The following TNRC18 variants were observed in gnomAD, a reference collection of about 807,000 sequenced individuals.
TNRC18 encodes the protein trinucleotide repeat-containing gene 18 protein.
A neutral mutation model predicts 226.7 loss-of-function variants in TNRC18; 69 were observed. That is an observed-to-expected ratio of 0.30 (90% CI 0.25 to 0.37). TNRC18 has a LOEUF of 0.37. TNRC18 is among the 10% of genes least tolerant of loss of function. The pLI is 1.00. For missense variants in TNRC18, 4,754 were observed against 4,256.6 expected (o/e 1.12, Z -3.25); for synonymous variants, 2,449 against 1,927.6 (o/e 1.27, Z -7.09).
rs1185581628 is a variant in TNRC18 at position 5,421,268 on chromosome 7, C to T, written c.-22G>A. On this transcript the variant is annotated 5_prime_UTR_variant, in exon 2 of 30. Transcript: ENST00000430969. ...CCATCCTCCGCGGGAGTGCCGCGAT[C>T]AGCCCCCCACCCGGCCCGCAGGCCT... The T allele has an allele frequency of 2.3e-6, 3 of 1,281,296 alleles. No homozygotes were observed. The highest frequency in any genetic ancestry group is 3.1e-5 in the African/African-American group (2 of 64,452). The allele number at this position is 1,281,296 out of a possible 1,614,324, so 79.4% of individuals were successfully genotyped here.
intron 15 of TNRC18, 95 bp downstream of exon 15, chr7:5,359,303 G>T: frequency 1.5e-6 from 2 of 1,310,254 alleles, no homozygotes; most frequent in South Asian, 1.3e-5. Flanking sequence ...TTCTGTACAG[G>T]AACAAAGGGC....
At chr7:5,403,403 G>A (rs867274188) in intron 2 of TNRC18, among the ~76,000 whole-genome samples, 3 of 152,050 alleles carry the variant, frequency 2.0e-5, no homozygotes, top group East Asian at 1.9e-4. Context: ...CAGGTGATCC[G>A]CCCGCCTCGG....
chr7:5,379,647 G>A (rs557850362), intron 5 of TNRC18, among the ~76,000 whole-genome samples: 1 of 152,212 alleles, frequency 6.6e-6, no homozygotes, highest in Non-Finnish European at 1.5e-5. Flanking sequence ...CTGCCACCCT[G>A]CCCTGGCCCC....
intron 19 of TNRC18, chr7:5,329,856 G>T (rs1326158360): frequency 1.3e-5 from 6 of 465,602 alleles, no homozygotes; most frequent in Non-Finnish European, 2.7e-5. Context: ...CCTTCTGTTG[G>T]AGGCCCAGGG....
rs1134566 is a variant in TNRC18, at chr7:5,324,338, A to G, written c.6318T>C (p.Gly2106=). 1 of 1,613,082 alleles carries G rather than the reference A, an allele frequency of 6.2e-7. No homozygotes were observed. Among genetic ancestry groups the G allele is most frequent in the Non-Finnish European group, 8.5e-7 (1 of 1,179,640 alleles). Residue 2106 remains glycine (G), a synonymous_variant, in exon 21 of 30, where the codon GGT becomes GGC. Coordinates refer to ENST00000430969, the MANE Select transcript of TNRC18 (RefSeq NM_001080495.3). This position sits in a 1 kb window ranked among gnomAD's most constrained non-coding sequence, Gnocchi z 4.8. Reference sequence around the variant, plus strand: ...TGCTCTCCATCAGCTTGCTCACGGCACCCCCCTTGCCGCGGTTCTGGGGAC... The same window carrying G: ...TGCTCTCCATCAGCTTGCTCACGGCGCCCCCCTTGCCGCGGTTCTGGGGAC... ...EVKKENRGKG[G]AVSKLMESMA... is the part of the protein sequence containing the mutation.
At chr7:5,350,190 C>T (rs1791640954) in intron 17 of TNRC18, among the ~76,000 whole-genome samples, 1 of 151,932 alleles carries the variant, frequency 6.6e-6, no homozygotes, top group African/African-American at 2.4e-5. Flanking sequence ...CCACGGACAG[C>T]CCGGGCAGGG....
chr7:5,408,781 C>T (rs1371442718), intron 2 of TNRC18, among the ~76,000 whole-genome samples: 2 of 152,194 alleles, frequency 1.3e-5, no homozygotes, highest in African/African-American at 2.4e-5. Flanking sequence ...ATTCTGGAGA[C>T]TGAATCCAGA....
intron 14 of TNRC18, 44 bp downstream of exon 14, chr7:5,361,550 C>CAAGCT: frequency 6.9e-7 from 1 of 1,452,334 alleles, no homozygotes; most frequent in East Asian, 2.7e-5. Context: ...CTCCTCCCCT[C>CAAGCT]AAGCTGTGTG....
chr7:5,395,076 G>T (rs1488137664), intron 2 of TNRC18, among the ~76,000 whole-genome samples: 1 of 152,118 alleles, frequency 6.6e-6, no homozygotes, highest in Non-Finnish European at 1.5e-5. Context: ...TCCAGCCAGA[G>T]AATCACCTCC....
rs750169007 is a variant in TNRC18 at position 5,357,172 on chromosome 7, G to A, written c.4938C>T (p.Phe1646=). Residue 1646 remains phenylalanine (F), a synonymous_variant, in exon 16 of 30, where the codon TTC becomes TTT. Transcript: ENST00000430969. ...TCCCCCCAGCACTGTCCGAAAACTT[G>A]AAGGGCGACTTCAACTTGTCCTGCT... ...LTKQDKLKSP[F]KFSDSAGGKS... is the part of the protein sequence containing the mutation. 4 of 1,602,966 alleles carry A rather than the reference G, an allele frequency of 2.5e-6. No individual in the cohort carries two copies. The highest frequency in any genetic ancestry group is 3.4e-6 in the Non-Finnish European group (4 of 1,174,804).
intron 2 of TNRC18, among the ~76,000 whole-genome samples, chr7:5,419,004 C>G (rs1027715302): frequency 6.6e-6 from 1 of 152,196 alleles, no homozygotes; most frequent in Admixed American, 6.5e-5. Context: ...TTCAAGGGGG[C>G]GGCAGCTGTC....
At chr7:5,402,172 C>G (rs867898676) in intron 2 of TNRC18, among the ~76,000 whole-genome samples, 1 of 115,074 alleles carries the variant, frequency 8.7e-6, no homozygotes, top group Non-Finnish European at 1.7e-5. Flanking sequence ...CAGCGAGACT[C>G]TGTCTCAAAA....
chr7:5,348,137 C>T (rs751662637), intron 17 of TNRC18, among the ~76,000 whole-genome samples: 19 of 152,126 alleles, frequency 1.2e-4, no homozygotes, highest in Non-Finnish European at 1.6e-4. Flanking sequence ...GCTCCCTGCA[C>T]ACAAACCAAA....
Position 5,378,087 on chromosome 7 carries a change from C to T in TNRC18, c.2153-63G>A, listed in dbSNP as rs1779133291. ...ACCGAGCCCATCCCAGACCCATTGGCCCCACTGCCCTCACCCCTCCCTGGG... is the reference window on the plus strand; with the variant it reads ...ACCGAGCCCATCCCAGACCCATTGGTCCCACTGCCCTCACCCCTCCCTGGG... On this transcript the variant is annotated intron_variant, in intron 5 of 29. Coordinates refer to ENST00000430969, the MANE Select transcript of TNRC18 (RefSeq NM_001080495.3). 7 of 1,401,652 alleles carry T rather than the reference C, an allele frequency of 5.0e-6. No homozygotes were observed. In the Admixed American group the frequency reaches 1.2e-4, roughly 25 times the overall value. 86.8% of individuals were successfully genotyped at this position (1,401,652 alleles called of 1,614,324 possible).
chr7:5,357,338 T>G, intron 15 of TNRC18, 62 bp from the exon 16 acceptor site: 1 of 1,512,684 alleles, frequency 6.6e-7, no homozygotes, highest in Non-Finnish European at 8.9e-7. Context: ...TGGGTTTCAG[T>G]GCACATGCTC....
chr7:5,374,525 T>C, intron 9 of TNRC18, 41 bp from the exon 10 acceptor site: 2 of 1,520,134 alleles, frequency 1.3e-6, no homozygotes, highest in Non-Finnish European at 1.8e-6. Flanking sequence ...CGGCACGAGT[T>C]TCCCCCTCCC....
At chr7:5,409,617 G>A (rs1781707988) in intron 2 of TNRC18, among the ~76,000 whole-genome samples, 1 of 151,518 alleles carries the variant, frequency 6.6e-6, no homozygotes, top group South Asian at 2.1e-4. Flanking sequence ...AAATCGAAAG[G>A]TTAGAAGATA....
chr7:5,394,567 G>A lies in TNRC18; in HGVS notation c.216C>T (p.Ala72=), dbSNP rs766102324. The A allele has an allele frequency of 5.2e-6, 8 of 1,550,216 alleles. No individual in the cohort carries two copies. Among genetic ancestry groups the A allele is most frequent in the Non-Finnish European group, 6.1e-6 (7 of 1,148,388 alleles). ...ACGAGGCCGAGGGCCCCATCCCGCT[G>A]GCCACAAAGCTGCCCAAGAAGGCCT... ...PGEAFLGSFV[A]SGMGPSASSH... is the part of the protein sequence containing the mutation. The change falls in exon 3 of 30, where the codon GCC becomes GCT. Residue 72 remains alanine (A), a synonymous_variant. Transcript: ENST00000430969. The surrounding 1 kb of genome is among the most constrained non-coding windows in gnomAD (Gnocchi z 4.5).
chr7:5,370,472 G>T lies in TNRC18; in HGVS notation c.4122C>A (p.Ala1374=), dbSNP rs201136741. ...GAQALEKLEA[A]ESLVLEQSFL... ...AGCTCTGCTCCAAGACAAGGCTCTC[G>T]GCTGCTTCCAGCTTCTCCAAGGCCT... Residue 1374 remains alanine (A), a synonymous_variant, in exon 11 of 30, where the codon GCC becomes GCA. Coordinates refer to ENST00000430969, the MANE Select transcript of TNRC18 (RefSeq NM_001080495.3). 3 of 1,581,960 alleles carry T rather than the reference G, an allele frequency of 1.9e-6. No homozygotes were observed. The East Asian group carries it at 7.0e-5, about 37-fold the overall frequency.
Sources: gnomAD v4.1 joint callset for allele counts (sites outside exome capture counted in the v4.1 genomes callset) on GRCh38, gnomAD v4.1.1 for gene constraint, Gnocchi (gnomAD v3.1) non-coding constraint, MANE v1.5 for transcripts, NCBI Gene and HGNC (gene_info 2026-07-23, HGNC 2026-07-21) for gene names.